PDXDC1: variants seen among roughly 807,000 people sequenced by gnomAD.
PDXDC1 encodes the protein pyridoxal-dependent decarboxylase domain-containing protein 1.
A neutral mutation model predicts 100.1 loss-of-function variants in PDXDC1; 42 were observed. The ratio of observed to expected loss-of-function variants is 0.42; its 90% confidence interval spans 0.33 to 0.54. The LOEUF is 0.54. Ranked by LOEUF, PDXDC1 falls within the 20% of genes least tolerant of loss-of-function variation. PDXDC1 has a pLI of 0.10. For missense variants in PDXDC1, 636 were observed against 979.2 expected (o/e 0.65, Z 4.68); for synonymous variants, 260 against 371.7 (o/e 0.70, Z 3.46).
chr16:15,063,678 C>T (rs1454034691), intron 16 of PDXDC1, among the ~76,000 whole-genome samples: 1 of 128,068 alleles, frequency 7.8e-6, no homozygotes, highest in African/African-American at 2.9e-5. Context: ...GCACTCCAGC[C>T]TGGGAGACAG....
intron 16 of PDXDC1, among the ~76,000 whole-genome samples, chr16:15,051,123 G>C (rs2044274911): frequency 6.6e-6 from 1 of 152,204 alleles, no homozygotes; most frequent in African/African-American, 2.4e-5. Flanking sequence ...TTTGTTCTTT[G>C]AGGGAAGGGA....
chr16:15,092,329 T>G (rs1407041985), intron 16 of PDXDC1, among the ~76,000 whole-genome samples: 1 of 151,878 alleles, frequency 6.6e-6, no homozygotes, highest in Admixed American at 6.6e-5. Context: ...TGGGCCAAGG[T>G]GGGGGAAAAA....
chr16:15,101,340 G>A (rs1452464770), intron 16 of PDXDC1, among the ~76,000 whole-genome samples: 3 of 152,108 alleles, frequency 2.0e-5, no homozygotes, highest in South Asian at 2.1e-4. Flanking sequence ...TTTTTGAGAC[G>A]GAGTCTCGCT....
intron 16 of PDXDC1, among the ~76,000 whole-genome samples, chr16:15,067,855 T>C (rs183883840): frequency 3.5e-4 from 53 of 152,200 alleles, no homozygotes; most frequent in African/African-American, 1.1e-3. Context: ...CTTCCTGGGC[T>C]CAAGTGATCC....
At chr16:15,005,317 A>AAAAAAAAAAAAG (rs5816114) in intron 5 of PDXDC1, among the ~76,000 whole-genome samples, 1 of 146,858 alleles carries the variant, frequency 6.8e-6, no homozygotes. Flanking sequence ...AAAAAAAAAA[A>AAAAAAAAAAAAG]AAAGAAAACT....
chr16:15,031,693 G>T, intron 16 of PDXDC1, 42 bp from the exon 17 acceptor site: 2 of 1,559,476 alleles, frequency 1.3e-6, no homozygotes, highest in South Asian at 2.2e-5. Flanking sequence ...CTTGTCATTG[G>T]CCATCTCGTG....
At chr16:15,095,018 A>C (rs901859793) in intron 16 of PDXDC1, among the ~76,000 whole-genome samples, 1 of 151,884 alleles carries the variant, frequency 6.6e-6, no homozygotes, top group Non-Finnish European at 1.5e-5. Context: ...TCGTATTTTT[A>C]GTGGAGACGG....
At chr16:15,134,487 T>C (rs2151925245) in intron 16 of PDXDC1, 7 of 376,690 alleles carry the variant, frequency 1.9e-5, no homozygotes, top group South Asian at 1.3e-4. Context: ...CCTCCCAGGA[T>C]ACTCATCCGG....
In PDXDC1 at chr16:15,086,339, T is replaced by C. The variant is rs527384490; in HGVS notation, c.1400-52540T>C. ...TACCAAAGTTCTGAATTACATACTT[T>C]ACAGTAAAATAAATGGTGAACTTAC... On this transcript the variant is annotated intron_variant, in intron 16 of 16. Transcript: ENST00000535621. 6.2e-6 allele frequency: 10 copies of C among 1,613,018 alleles called. No individual in the cohort carries two copies. In the Admixed American group the frequency reaches 1.2e-4, roughly 19 times the overall value.
intron 1 of PDXDC1, among the ~76,000 whole-genome samples, chr16:14,982,562 AAAG>A (rs1281018042): frequency 5.1e-4 from 77 of 152,386 alleles, no homozygotes; most frequent in African/African-American, 1.8e-3. Context: ...CTCAAAAAAA[AAAG>A]AAGATGGGAG....
chr16:15,124,302 C>A (rs956831514), intron 16 of PDXDC1, among the ~76,000 whole-genome samples: 1 of 152,210 alleles, frequency 6.6e-6, no homozygotes, highest in Non-Finnish European at 1.5e-5. Flanking sequence ...CCCAATCACA[C>A]AGAGTGTGCC....
intron 16 of PDXDC1, among the ~76,000 whole-genome samples, chr16:15,079,365 G>GA (rs2045601812): frequency 6.6e-6 from 1 of 152,066 alleles, no homozygotes; most frequent in Admixed American, 6.5e-5. Flanking sequence ...GGCCAAACAG[G>GA]AAAAATCACT....
the PDXDC1 span, among the ~76,000 whole-genome samples, chr16:15,145,319 C>T: frequency 2.0e-5 from 3 of 152,362 alleles, no homozygotes; most frequent in Admixed American, 6.5e-5. Flanking sequence ...AATGATGGCA[C>T]GAGCCATCCT....
chr16:15,102,862 C>A (rs995727596), intron 16 of PDXDC1, among the ~76,000 whole-genome samples: 1 of 149,718 alleles, frequency 6.7e-6, no homozygotes, highest in Non-Finnish European at 1.5e-5. Flanking sequence ...TCACTTGAGC[C>A]CGGAAGTTCA....
At chr16:15,125,879 C>T (rs545777308) in intron 16 of PDXDC1, 3 of 751,940 alleles carry the variant, frequency 4.0e-6, no homozygotes, top group South Asian at 1.4e-5. Context: ...AAGCCACCTC[C>T]TCAGCAGACA....
intron 1 of PDXDC1, among the ~76,000 whole-genome samples, chr16:14,981,460 G>C (rs1177119512): frequency 6.6e-6 from 1 of 152,296 alleles, no homozygotes. Context: ...TTAAGGAAGA[G>C]TTATAACAGT....
intron 16 of PDXDC1, chr16:15,094,665 G>A (rs2046288661): frequency 4.0e-6 from 1 of 252,092 alleles, no homozygotes; most frequent in Admixed American, 5.8e-5. Flanking sequence ...TGACCCAGGA[G>A]CCTGGGCTCT....
chr16:15,055,490 G>A (rs1444150678), intron 16 of PDXDC1, among the ~76,000 whole-genome samples: 2 of 152,224 alleles, frequency 1.3e-5, no homozygotes, highest in African/African-American at 4.8e-5. Flanking sequence ...GGGGACGCAA[G>A]GACGAAGCAA....
chr16:15,090,872 TG>T (rs1355530706), intron 16 of PDXDC1, among the ~76,000 whole-genome samples: 77 of 121,306 alleles, frequency 6.3e-4, no homozygotes, highest in Admixed American at 2.4e-3. Context: ...ATCAGTGGTT[TG>T]TTTTTTTTTT....
Sources: allele counts gnomAD v4.1 joint callset (sites outside exome capture counted in the v4.1 genomes callset), GRCh38; gene constraint gnomAD v4.1.1; transcripts MANE v1.5; gene names NCBI Gene and HGNC (gene_info 2026-07-23, HGNC 2026-07-21).